Variants in CD70 observed in about 807,000 individuals in gnomAD.
The protein encoded by CD70 is CD70 antigen.
In CD70, 6 loss-of-function variants were observed where a neutral mutation model predicts 9.0. That is an observed-to-expected ratio of 0.67 (90% confidence interval 0.37 to 1.32). The LOEUF is 1.32. Ranked by LOEUF, CD70 falls within the 40% of genes most tolerant of loss-of-function variation. The pLI, the probability that CD70 is intolerant of heterozygous loss-of-function variation, is 0.02. For missense variants in CD70, 235 were observed against 258.7 expected (o/e 0.91, Z 0.63); for synonymous variants, 108 against 112.3 (o/e 0.96, Z 0.24).
At chr19:6,589,724 G>A (rs994609471) in intron 2 of CD70, among the ~76,000 whole-genome samples, 1 of 150,710 alleles carries the variant, frequency 6.6e-6, no homozygotes, top group African/African-American at 2.4e-5. Context: ...TCCTCTATCT[G>A]TCTTTTTTCT....
downstream of CD70, chr19:6,583,460 T>A: frequency 4.6e-6 from 3 of 651,728 alleles, no homozygotes; most frequent in Non-Finnish European, 8.4e-6. Context: ...GAGTCCCCAG[T>A]TCCAAAATCC....
chr19:6,585,470 G>A (rs775926731), downstream of CD70, among the ~76,000 whole-genome samples: 2 of 150,212 alleles, frequency 1.3e-5, no homozygotes, highest in Non-Finnish European at 3.0e-5. Context: ...TTCAGCCTTT[G>A]GAGTAGCTTG....
intron 2 of CD70, among the ~76,000 whole-genome samples, chr19:6,589,254 TTTTC>T (rs901061277): frequency 1.6e-5 from 1 of 60,626 alleles, no homozygotes; most frequent in African/African-American, 8.7e-5. Context: ...GCTTTCTTTC[TTTTC>T]TTTCTCTTAT....
chr19:6,586,511 G>T, intron 2 of CD70, 106 bp from the exon 3 acceptor site: 1 of 1,248,760 alleles, frequency 8.0e-7, no homozygotes, highest in Non-Finnish European at 1.1e-6. Context: ...TAGAGATCAA[G>T]GAATAGGTTG....
At position 6,590,101 on chromosome 19, in the gene CD70, AC is replaced by A; in HGVS notation, c.196+1del. On this transcript the variant is annotated splice_donor_variant, in intron 2 of 2. Transcript: ENST00000245903. LOFTEE classifies it high-confidence loss of function. This position sits in a 1 kb window ranked among gnomAD's most constrained non-coding sequence, Gnocchi z 5.3. ...CCCGTCCCTCCACGTCCCCCGTGTTACCTGTGTGATTCAGCTGCAGCTCAGC... is the reference window on the plus strand; with the variant it reads ...CCCGTCCCTCCACGTCCCCCGTGTTACTGTGTGATTCAGCTGCAGCTCAGC... 2 of 1,611,738 alleles carry A rather than the reference AC, an allele frequency of 1.2e-6. No homozygotes were observed. Among genetic ancestry groups the A allele is most frequent in the Non-Finnish European group, 1.7e-6 (2 of 1,178,848 alleles).
chr19:6,588,000 C>T (rs1916065100), intron 2 of CD70, among the ~76,000 whole-genome samples: 1 of 152,182 alleles, frequency 6.6e-6, no homozygotes, highest in African/African-American at 2.4e-5. Context: ...AGCCGGGAGC[C>T]AAGGTCCTCG....
chr19:6,590,997 C>A lies in CD70; in HGVS notation c.6G>T (p.Pro2=). The change falls in exon 1 of 3, where the codon CCG becomes CCT. Residue 2 remains proline (P), a synonymous_variant. Coordinates refer to ENST00000245903, the MANE Select transcript of CD70 (RefSeq NM_001252.5). This position sits in a 1 kb window ranked among gnomAD's most constrained non-coding sequence, Gnocchi z 5.3. ...GCACCGAGCAGCCCGAACCCTCCTC[C>A]GGCATCGCCGCGGCGATCACCTCCG... The part of the protein sequence containing the change: M[P]EEGSGCSVRR... 6.3e-7 allele frequency: 1 copy of A among 1,592,272 alleles called. No individual in the cohort carries two copies. Among genetic ancestry groups the A allele is most frequent in the Non-Finnish European group, 8.6e-7 (1 of 1,167,042 alleles).
At chr19:6,586,553 G>T in intron 2 of CD70, 148 bp from the exon 3 acceptor site, 1 of 902,608 alleles carries the variant, frequency 1.1e-6, no homozygotes, top group Non-Finnish European at 1.6e-6. Context: ...AATCCTAACA[G>T]TTTAGGAGGC....
At chr19:6,584,981 C>A (rs1331573517), downstream of CD70, among the ~76,000 whole-genome samples, 1 of 151,884 alleles carries the variant, frequency 6.6e-6, no homozygotes, top group Non-Finnish European at 1.5e-5. Flanking sequence ...ATGTGTAGTT[C>A]CATTACATAG....
In CD70 at chr19:6,586,000, AC is replaced by A. The variant is rs1387784390; in HGVS notation, c.*19del. The A allele has an allele frequency of 6.4e-7, 1 of 1,553,196 alleles. No homozygotes were observed. The highest frequency in any genetic ancestry group is 1.4e-5 in the African/African-American group (1 of 72,100). On this transcript the variant is annotated 3_prime_UTR_variant, in exon 3 of 3. Transcript: ENST00000245903. ...AATAAAATAAAATAAAATTTAAAAA[AC>A]CCTAATCAGCAGCAGTGGTCAGGGG...
At chr19:6,583,928 G>A (rs550786445), downstream of CD70, among the ~76,000 whole-genome samples, 119 of 151,394 alleles carry the variant, frequency 7.9e-4, no homozygotes, top group Non-Finnish European at 6.6e-4. Context: ...GAGTAGCTGG[G>A]TTTACAGGTG....
chr19:6,586,142 C>A lies in CD70; in HGVS notation c.460G>T (p.Ala154Ser). The part of the protein sequence containing the change: ...RLSFHQGCTI[A>S]SQRLTPLARG... ...GCCAGGGGCGTCAGGCGCTGGGAGG[C>A]AATGGTACAACCTTGGTGGAAGCTG... The change falls in exon 3 of 3, where the codon GCC becomes TCC. Residue 154 changes from alanine (A) to serine (S), a missense_variant. Ala to Ser is a moderately conservative substitution (Grantham distance 99). Transcript: ENST00000245903. 1 of 1,614,090 alleles carries A rather than the reference C, an allele frequency of 6.2e-7. No individual in the cohort carries two copies. Among genetic ancestry groups the A allele is most frequent in the South Asian group, 1.1e-5 (1 of 91,074 alleles).
chr19:6,590,778 A>G lies in CD70; in HGVS notation c.162+63T>C, dbSNP rs344589. ...TCTCTGGCCTCTTTGTACCCATCTC[A>G]TTCTGTCTTTTCGGTCACGCGCCTC... On this transcript the variant is annotated intron_variant, in intron 1 of 2. Coordinates refer to ENST00000245903, the MANE Select transcript of CD70 (RefSeq NM_001252.5). The surrounding 1 kb of genome is among the most constrained non-coding windows in gnomAD (Gnocchi z 5.3). 194,721 of 1,401,172 alleles carry G rather than the reference A, an allele frequency of 0.14. 14,050 individuals are homozygous for G. The highest frequency in any genetic ancestry group is 0.18 in the Admixed American group (10,326 of 57,810). The allele number at this position is 1,401,172 out of a possible 1,614,324, so 86.8% of individuals were successfully genotyped here.
In CD70 at chr19:6,586,128, C is replaced by CA. The variant is rs1296005971; in HGVS notation, c.473dup (p.Thr159AspfsTer24). ...GTGTGTCCCCTCGGGCCAGGGGCGT[C>CA]AGGCGCTGGGAGGCAATGGTACAAC... On this transcript the variant is annotated frameshift_variant, in exon 3 of 3. Coordinates refer to ENST00000245903, the MANE Select transcript of CD70 (RefSeq NM_001252.5). LOFTEE classifies it high-confidence loss of function. 1 of 1,614,022 alleles carries CA rather than the reference C, an allele frequency of 6.2e-7. No individual in the cohort carries two copies. The highest frequency in any genetic ancestry group is 1.7e-5 in the Admixed American group (1 of 60,004).
At chr19:6,586,958 A>T (rs949873964) in intron 2 of CD70, among the ~76,000 whole-genome samples, 1 of 146,042 alleles carries the variant, frequency 6.8e-6, no homozygotes, top group Non-Finnish European at 1.5e-5. Context: ...AGGGGGAGGG[A>T]GAGATATATA....
At chr19:6,583,717 C>T (rs1446676394), downstream of CD70, among the ~76,000 whole-genome samples, 1 of 151,606 alleles carries the variant, frequency 6.6e-6, no homozygotes, top group African/African-American at 2.4e-5. Context: ...CATCACCACA[C>T]CCAGCTAATT....
In CD70 at chr19:6,591,063, G is replaced by T; in HGVS notation, c.-61C>A. On this transcript the variant is annotated 5_prime_UTR_variant, in exon 1 of 3. Transcript: ENST00000245903. Reference sequence around the variant, plus strand: ...CGATGGGGGCGCGGAGCGCTGCCGAGAAGGAAGGAAGGAAACTGCAGCCCC... The same window carrying T: ...CGATGGGGGCGCGGAGCGCTGCCGATAAGGAAGGAAGGAAACTGCAGCCCC... The T allele has an allele frequency of 2.7e-6, 4 of 1,505,182 alleles. No individual in the cohort carries two copies. The highest frequency in any genetic ancestry group is 3.5e-6 in the Non-Finnish European group (4 of 1,127,830). 93.2% of individuals were successfully genotyped at this position (1,505,182 alleles called of 1,614,324 possible).
In CD70 at chr19:6,590,170, G is replaced by GT. The variant is rs1199503775; in HGVS notation, c.163-35dup. Reference sequence around the variant, plus strand: ...AAAGACCAGAAAACAGGGCACGGACGTAAGCAGAGAGGTTCTATGTGTCCC... The same window carrying GT: ...AAAGACCAGAAAACAGGGCACGGACGTTAAGCAGAGAGGTTCTATGTGTCCC... On this transcript the variant is annotated intron_variant, in intron 1 of 2. Coordinates refer to ENST00000245903, the MANE Select transcript of CD70 (RefSeq NM_001252.5). The surrounding 1 kb of genome is among the most constrained non-coding windows in gnomAD (Gnocchi z 5.3). 6.2e-7 allele frequency: 1 copy of GT among 1,603,302 alleles called. No individual in the cohort carries two copies. Among genetic ancestry groups the GT allele is most frequent in the Non-Finnish European group, 8.5e-7 (1 of 1,170,118 alleles).
chr19:6,583,188 A>G (rs12459776), downstream of CD70: 5 of 556,848 alleles, frequency 9.0e-6, no homozygotes, highest in Admixed American at 9.2e-5. Flanking sequence ...GTCCACTACT[A>G]TGTAGATGAA....
Sources: gnomAD v4.1 joint callset for allele counts (sites outside exome capture counted in the v4.1 genomes callset) on GRCh38, gnomAD v4.1.1 for gene constraint, Gnocchi (gnomAD v3.1) non-coding constraint, MANE v1.5 for transcripts, NCBI Gene and HGNC (gene_info 2026-07-23, HGNC 2026-07-21) for gene names.